Variants in SLC12A3 observed in about 807,000 individuals in gnomAD.
SLC12A3 encodes the protein solute carrier family 12 member 3, also known as Na-Cl cotransporter.
In SLC12A3, 104 loss-of-function variants were observed where a neutral mutation model predicts 121.0. The ratio of observed to expected loss-of-function variants is 0.86; its 90% CI spans 0.73 to 1.01. The LOEUF (loss-of-function observed/expected upper bound fraction) is 1.01, where lower values mean the gene tolerates loss of function less well. Among genes scored for constraint, SLC12A3 ranks in the 50% least tolerant of loss-of-function variants. The pLI, the probability that SLC12A3 is intolerant of heterozygous loss-of-function variation, is 0.00. For synonymous variants in SLC12A3, 536 were observed against 533.4 expected (o/e 1.00, Z -0.07); for missense variants, 1,328 against 1,356.3 (o/e 0.98, Z 0.33).
At chr16:56,866,139 C>T (rs1285216850) in intron 1 of SLC12A3, among the ~76,000 whole-genome samples, 22 of 151,974 alleles carry the variant, frequency 1.4e-4, no homozygotes, top group African/African-American at 5.1e-4. Context: ...GAGCGCACCA[C>T]CACACCCAGC....
chr16:56,900,660 A>G (rs1596946849), intron 23 of SLC12A3, among the ~76,000 whole-genome samples: 1 of 152,046 alleles, frequency 6.6e-6, no homozygotes, highest in East Asian at 1.9e-4. Flanking sequence ...CCTCCCAAGT[A>G]GCTGGGATTA....
At position 56,870,081 on chromosome 16, in the gene SLC12A3, G is replaced by A. The variant is rs1431542059; in HGVS notation, c.602-15G>A. 6.2e-7 allele frequency: 1 copy of A among 1,611,834 alleles called. No individual in the cohort carries two copies. On this transcript the variant is annotated splice_polypyrimidine_tract_variant and intron_variant, in intron 4 of 25. Coordinates refer to ENST00000563236, the MANE Select transcript of SLC12A3 (RefSeq NM_001126108.2). ...GACTCATCTGGTTTCATGGTTCCCG[G>A]CTCTGCCCTGATAGGTGGCACCTAC...
Position 56,899,560 on chromosome 16 carries a change from G to GT in SLC12A3, c.2664_2665insT (p.Gly889TrpfsTer4). 1 of 1,614,108 alleles carries GT rather than the reference G, an allele frequency of 6.2e-7. No homozygotes were observed. The highest frequency in any genetic ancestry group is 8.5e-7 in the Non-Finnish European group (1 of 1,179,938). ...TTTCTCTGCTGAGCAAGTTCCGACTGGGATTCCATGAAGTCCACATCCTCC... is the reference window on the plus strand; with the variant it reads ...TTTCTCTGCTGAGCAAGTTCCGACTGTGGATTCCATGAAGTCCACATCCTCC... On this transcript the variant is annotated frameshift_variant, in exon 23 of 26. Transcript: ENST00000563236. LOFTEE classifies it high-confidence loss of function.
At chr16:56,896,317 G>A (rs8056954) in intron 22 of SLC12A3, among the ~76,000 whole-genome samples, 3 of 152,070 alleles carry the variant, frequency 2.0e-5, no homozygotes, top group Non-Finnish European at 2.9e-5. Context: ...CTTGTCTCCC[G>A]GAGCAAGAGG....
chr16:56,884,430 C>T (rs957974044), intron 14 of SLC12A3, among the ~76,000 whole-genome samples: 1 of 152,228 alleles, frequency 6.6e-6, no homozygotes, highest in Non-Finnish European at 1.5e-5. Context: ...ACCCAGGACC[C>T]TGGAATCCCC....
intron 22 of SLC12A3, among the ~76,000 whole-genome samples, chr16:56,897,623 A>G (rs1478750610): frequency 6.6e-6 from 1 of 152,202 alleles, no homozygotes; most frequent in Non-Finnish European, 1.5e-5. Flanking sequence ...AAAAGTAAAT[A>G]AGATACGAGA....
intron 25 of SLC12A3, among the ~76,000 whole-genome samples, chr16:56,907,957 G>T (rs1019287197): frequency 6.6e-6 from 1 of 152,092 alleles, no homozygotes; most frequent in African/African-American, 2.4e-5. Flanking sequence ...AATTCTTCAT[G>T]ATTCCTAATA....
chr16:56,887,877 A>G (rs1251608904), intron 17 of SLC12A3, 48 bp from the exon 18 acceptor site: 8 of 1,415,536 alleles, frequency 5.7e-6, no homozygotes, highest in Non-Finnish European at 7.9e-6. Context: ...TGGATCACCA[A>G]CTCTGCCCCT....
intron 25 of SLC12A3, 169 bp downstream of exon 25, chr16:56,904,631 G>A: frequency 1.5e-6 from 1 of 659,690 alleles, no homozygotes. Flanking sequence ...ATGTGGCTGG[G>A]CCTGAGCCCG....
rs1231979904 is a variant in SLC12A3 at position 56,904,407 on chromosome 16, G to A, written c.2869G>A (p.Val957Met). The change falls in exon 25 of 26, where the codon GTG (valine) becomes ATG (methionine). Residue 957 changes from valine to methionine, a missense_variant. Transcript: ENST00000563236. ...TTCTCCCGCCCAGTCCCTTCGGCAG[G>A]TGAGGCTGAATGAGATTGTGCTGGA... ...TKNRVKSLRQ[V>M]RLNEIVLDYS... is the part of the protein sequence containing the mutation. The A allele has an allele frequency of 1.2e-6, 2 of 1,613,920 alleles. No individual in the cohort carries two copies. Among genetic ancestry groups the A allele is most frequent in the East Asian group, 2.2e-5 (1 of 44,892 alleles).
intron 17 of SLC12A3, among the ~76,000 whole-genome samples, chr16:56,887,633 G>C (rs1015536100): frequency 1.3e-5 from 2 of 151,614 alleles, no homozygotes. Flanking sequence ...TCTAACTCTT[G>C]GGGGCACTGG....
At chr16:56,885,014 G>A (rs2055291182) in intron 14 of SLC12A3, among the ~76,000 whole-genome samples, 1 of 152,124 alleles carries the variant, frequency 6.6e-6, no homozygotes, top group Admixed American at 6.5e-5. Flanking sequence ...TGATTCGCCT[G>A]CCTCGGCCTC....
chr16:56,898,342 T>C (rs796800795), intron 22 of SLC12A3, among the ~76,000 whole-genome samples: 4 of 152,212 alleles, frequency 2.6e-5, no homozygotes, highest in African/African-American at 9.6e-5. Flanking sequence ...CACTGCAAGC[T>C]CCACCTCCCA....
intron 25 of SLC12A3, chr16:56,907,088 C>T (rs2055617523): frequency 5.6e-6 from 1 of 179,052 alleles, no homozygotes; most frequent in African/African-American, 2.4e-5. Flanking sequence ...TCTTCATTGA[C>T]AGGACAGAGG....
rs1476139515 is a variant in SLC12A3, at chr16:56,872,662, T to A, written c.971T>A (p.Ile324Asn). The change falls in exon 8 of 26, where the codon ATT becomes AAT. Residue 324 changes from isoleucine (I) to asparagine (N), a missense_variant. Coordinates refer to ENST00000563236, the MANE Select transcript of SLC12A3 (RefSeq NM_001126108.2). ...SKGFFSYRAD[I>N]FVQNLVPDWR... ...TCAGGCCTTGCTTTTCCAGCGGACA[T>A]TTTTGTCCAGAACTTGGTGCCTGAC... 1 of 1,614,224 alleles carries A rather than the reference T, an allele frequency of 6.2e-7. No individual in the cohort carries two copies. Among genetic ancestry groups the A allele is most frequent in the East Asian group, 2.2e-5 (1 of 44,884 alleles).
In SLC12A3 at chr16:56,879,160, A is replaced by C. The variant is rs1229085024; in HGVS notation, c.1268A>C (p.Tyr423Ser). 6.2e-7 allele frequency: 1 copy of C among 1,613,332 alleles called. No homozygotes were observed. Among genetic ancestry groups the C allele is most frequent in the East Asian group, 2.2e-5 (1 of 44,874 alleles). ...GCCTGCGAGGGGCTGGCCTGCAGCT[A>C]TGGCTGGAACTTCACCGAGTGCACC... ...WGACEGLACS[Y>S]GWNFTECTQQ... Residue 423 changes from tyrosine (Y) to serine (S), a missense_variant, in exon 10 of 26, where the codon TAT becomes TCT. Transcript: ENST00000563236.
chr16:56,869,897 C>T (rs1380115983), intron 4 of SLC12A3, 73 bp downstream of exon 4: 30 of 1,457,042 alleles, frequency 2.1e-5, no homozygotes, highest in Non-Finnish European at 2.6e-5. Context: ...CTCCCAACTT[C>T]CCCAACCCAA....
intron 25 of SLC12A3, among the ~76,000 whole-genome samples, chr16:56,911,720 C>T (rs2055688765): frequency 6.6e-6 from 1 of 152,186 alleles, no homozygotes; most frequent in Admixed American, 6.5e-5. Flanking sequence ...CCCAGTTACC[C>T]TTCTCAGAGG....
chr16:56,899,550 AG>A lies in SLC12A3; in HGVS notation c.2655del (p.Lys885AsnfsTer30). On this transcript the variant is annotated frameshift_variant, in exon 23 of 26. Transcript: ENST00000563236. LOFTEE classifies it high-confidence loss of function. ...ERKAIISLLS[K>X]FRLGFHEVHI... ...TCCAGGATCATTTCTCTGCTGAGCAAGTTCCGACTGGGATTCCATGAAGTCC... is the reference window on the plus strand; with the variant it reads ...TCCAGGATCATTTCTCTGCTGAGCAATTCCGACTGGGATTCCATGAAGTCC... 1 of 1,614,014 alleles carries A rather than the reference AG, an allele frequency of 6.2e-7. No homozygotes were observed.
Sources: allele counts gnomAD v4.1 joint callset (sites outside exome capture counted in the v4.1 genomes callset), GRCh38; gene constraint gnomAD v4.1.1; transcripts MANE v1.5; gene names NCBI Gene and HGNC (gene_info 2026-07-23, HGNC 2026-07-21).